Variants in DDC observed in about 807,000 individuals in gnomAD.
DDC encodes aromatic-L-amino-acid decarboxylase.
Under a neutral mutation model 60.0 loss-of-function variants are expected in DDC, and 43 were observed. The observed-to-expected ratio is 0.72, with a 90% CI of 0.56 to 0.92. DDC has a LOEUF of 0.92. Ranked by LOEUF, DDC falls within the 40% of genes least tolerant of loss-of-function variation. The pLI is 0.00. For missense variants in DDC, 573 were observed against 620.2 expected, an observed-to-expected ratio of 0.92 and a Z score of 0.81; for synonymous variants, 232 against 234.6, an observed-to-expected ratio of 0.99 and a Z score of 0.10.
At chr7:50,556,160 C>T (rs2045180916) in intron 1 of DDC, among the ~76,000 whole-genome samples, 1 of 152,194 alleles carries the variant, frequency 6.6e-6, no homozygotes, top group South Asian at 2.1e-4. Flanking sequence ...GAGACCGTGG[C>T]CAAGCCCCCT....
intron 1 of DDC, among the ~76,000 whole-genome samples, chr7:50,556,494 G>C (rs1294933822): frequency 6.6e-6 from 1 of 152,138 alleles, no homozygotes; most frequent in African/African-American, 2.4e-5. Context: ...GGAATGTTGG[G>C]AGAAACACAC....
At chr7:50,550,454 T>G (rs1191844938) in intron 1 of DDC, among the ~76,000 whole-genome samples, 1 of 152,198 alleles carries the variant, frequency 6.6e-6, no homozygotes, top group African/African-American at 2.4e-5. Context: ...TTTGCAATAT[T>G]TCTGAGGTGT....
intron 12 of DDC, among the ~76,000 whole-genome samples, chr7:50,469,319 T>G (rs894266653): frequency 6.6e-6 from 1 of 151,148 alleles, no homozygotes; most frequent in Non-Finnish European, 1.5e-5. Context: ...GTTCTCAAAT[T>G]TTAGTGCATA....
At chr7:50,492,900 G>A in intron 9 of DDC, 1 of 1,594,666 alleles carries the variant, frequency 6.3e-7, no homozygotes, top group Non-Finnish European at 8.5e-7. Context: ...CGGGGCATCA[G>A]CTCTGCGGCA....
At chr7:50,487,790 T>C (rs2042917379) in intron 9 of DDC, among the ~76,000 whole-genome samples, 1 of 152,142 alleles carries the variant, frequency 6.6e-6, no homozygotes, top group South Asian at 2.1e-4. Context: ...CAAATAAAAT[T>C]AGAAAGTCTT....
chr7:50,528,243 C>G lies in DDC; in HGVS notation c.608G>C (p.Gly203Ala). The change falls in exon 6 of 15, where the codon GGA becomes GCA. Residue 203 changes from glycine (G) to alanine (A), a missense_variant. Physicochemically the swap from Gly to Ala is moderately conservative, Grantham distance 60. Coordinates refer to ENST00000444124, the MANE Select transcript of DDC (RefSeq NM_001082971.2). The stretch of plus-strand genomic sequence containing the variant: ...TGAGGGGATGGCTTTTAATTTCACT[C>G]CACCAATTAACCCAGCTCTTTCCAC... Reference protein sequence around the residue: ...SSVERAGLIGGVKLKAIPSDG... With the variant: ...SSVERAGLIGAVKLKAIPSDG... 6.2e-7 allele frequency: 1 copy of G among 1,614,144 alleles called. No homozygotes were observed. Among genetic ancestry groups the G allele is most frequent in the Non-Finnish European group, 8.5e-7 (1 of 1,180,030 alleles).
At chr7:50,490,268 G>A (rs1002465950) in intron 9 of DDC, among the ~76,000 whole-genome samples, 1 of 152,194 alleles carries the variant, frequency 6.6e-6, no homozygotes, top group Non-Finnish European at 1.5e-5. Context: ...TTCTAACAGG[G>A]CTAGGAACCT....
At chr7:50,510,846 T>C (rs983133533) in intron 6 of DDC, among the ~76,000 whole-genome samples, 4 of 150,536 alleles carry the variant, frequency 2.7e-5, no homozygotes, top group African/African-American at 9.8e-5. Context: ...CTGGGCGCGG[T>C]GGTGGGCGCC....
At chr7:50,496,499 G>A (rs537661028) in intron 8 of DDC, among the ~76,000 whole-genome samples, 9 of 152,272 alleles carry the variant, frequency 5.9e-5, no homozygotes, top group Non-Finnish European at 1.2e-4. Flanking sequence ...ATGCATCAGT[G>A]TTAGGGGCTA....
At chr7:50,498,997 C>T in intron 8 of DDC, 151 bp downstream of exon 8, 6 of 694,276 alleles carry the variant, frequency 8.6e-6, no homozygotes, top group Non-Finnish European at 1.6e-5. Flanking sequence ...GGCTCTCAGC[C>T]CCTATTCTGA....
chr7:50,461,381 A>C (rs2242038), intron 14 of DDC, among the ~76,000 whole-genome samples: 1 of 152,026 alleles, frequency 6.6e-6, no homozygotes, highest in African/African-American at 2.4e-5. Context: ...TAAGATTTTT[A>C]TTGTTCTAAT....
At chr7:50,507,293 A>T (rs1215859709) in intron 6 of DDC, among the ~76,000 whole-genome samples, 1 of 151,958 alleles carries the variant, frequency 6.6e-6, no homozygotes. Context: ...GCTGGAGTGC[A>T]GTGGTGCGAT....
intron 6 of DDC, among the ~76,000 whole-genome samples, chr7:50,507,774 G>A (rs1364851591): frequency 6.6e-6 from 1 of 152,160 alleles, no homozygotes; most frequent in Non-Finnish European, 1.5e-5. Flanking sequence ...CCTGGCAGTG[G>A]CCTAGGTTGA....
At chr7:50,497,616 C>T (rs2043154345) in intron 8 of DDC, among the ~76,000 whole-genome samples, 1 of 152,140 alleles carries the variant, frequency 6.6e-6, no homozygotes, top group Non-Finnish European at 1.5e-5. Flanking sequence ...TTCCCAGCAC[C>T]AAACACGCAC....
At chr7:50,508,122 C>T (rs1439549060) in intron 6 of DDC, among the ~76,000 whole-genome samples, 1 of 152,226 alleles carries the variant, frequency 6.6e-6, no homozygotes, top group Non-Finnish European at 1.5e-5. Flanking sequence ...AAGCACTTTG[C>T]TGTGGTAAGG....
chr7:50,469,159 T>C (rs1318119758), intron 12 of DDC, among the ~76,000 whole-genome samples: 1 of 149,706 alleles, frequency 6.7e-6, no homozygotes, highest in East Asian at 2.0e-4. Flanking sequence ...TTGGCCAGGC[T>C]GGTCTAGAAC....
chr7:50,536,816 T>C (rs2044428293), intron 4 of DDC, among the ~76,000 whole-genome samples: 1 of 152,274 alleles, frequency 6.6e-6, no homozygotes, highest in Admixed American at 6.5e-5. Flanking sequence ...CCATGTGCTC[T>C]GCACAAAGGT....
At chr7:50,468,865 T>C (rs2153534067) in intron 12 of DDC, among the ~76,000 whole-genome samples, 1 of 151,660 alleles carries the variant, frequency 6.6e-6, no homozygotes, top group Middle Eastern at 3.5e-3. Context: ...GCAGCAGGCC[T>C]TCTGCAGCTG....
Position 50,517,378 on chromosome 7 carries a change from C to G in DDC, c.714+10759G>C, listed in dbSNP as rs544037253. 1.6e-3 allele frequency among the ~76,000 whole-genome samples: 246 copies of G among 152,268 alleles called. 8 individuals are homozygous for G. The South Asian group carries it at 0.051, about 31-fold the overall frequency. On this transcript the variant is annotated intron_variant, in intron 6 of 14. Coordinates refer to ENST00000444124, the MANE Select transcript of DDC (RefSeq NM_001082971.2). ...AAAGCATCTGACAAAACCCAGTATT[C>G]CTTTATGATTAAAACTTTCAGCAAA...
Sources: gnomAD v4.1 joint callset for allele counts (sites outside exome capture counted in the v4.1 genomes callset) on GRCh38, gnomAD v4.1.1 for gene constraint, MANE v1.5 for transcripts, NCBI Gene and HGNC (gene_info 2026-07-23, HGNC 2026-07-21) for gene names.